Variants in DTNA observed in about 807,000 individuals in gnomAD.
DTNA encodes dystrophin-related protein 3.
Under a neutral mutation model 100.7 loss-of-function variants are expected in DTNA, and 43 were observed. The ratio of observed to expected loss-of-function variants is 0.43; its 90% CI spans 0.33 to 0.55. The LOEUF (loss-of-function observed/expected upper bound fraction) is 0.55. Ranked by LOEUF, DTNA falls within the 20% of genes least tolerant of loss-of-function variation. The probability of loss-of-function intolerance (pLI) is 0.04; values close to 1 mark genes in which losing one functional copy is unlikely to be tolerated. For missense variants in DTNA, 798 were observed against 953.9 expected, an observed-to-expected ratio of 0.84 and a Z score of 2.15; for synonymous variants, 349 against 347.9, an observed-to-expected ratio of 1.00 and a Z score of -0.04.
At chr18:34,534,194 CA>C (rs1209656379) in intron 1 of DTNA, among the ~76,000 whole-genome samples, 1 of 151,698 alleles carries the variant, frequency 6.6e-6, no homozygotes, top group East Asian at 1.9e-4. Flanking sequence ...TTAAAAAATA[CA>C]AAAATTAGCC....
intron 1 of DTNA, among the ~76,000 whole-genome samples, chr18:34,634,498 A>C (rs1413525847): frequency 6.6e-6 from 1 of 152,202 alleles, no homozygotes; most frequent in Non-Finnish European, 1.5e-5. Flanking sequence ...CGTCTGGCTT[A>C]ATAAAGAACT....
At chr18:34,683,626 C>T (rs1360515938) in intron 1 of DTNA, 3 of 152,140 alleles carry the variant, frequency 2.0e-5, no homozygotes, top group Non-Finnish European at 4.4e-5. Flanking sequence ...TCCTTTCAGA[C>T]AATGCGCAAA....
At chr18:34,813,388 A>G (rs8084817) in intron 6 of DTNA, among the ~76,000 whole-genome samples, 25,584 of 151,156 alleles carry the variant, frequency 0.17, 2,885 homozygotes, top group African/African-American at 0.33. Context: ...AGGATAGCTT[A>G]AGCCCGGATG....
At chr18:34,716,050 TG>T (rs1482927989) in intron 1 of DTNA, among the ~76,000 whole-genome samples, 1 of 151,998 alleles carries the variant, frequency 6.6e-6, no homozygotes, top group Non-Finnish European at 1.5e-5. Flanking sequence ...TGGGTGCAGG[TG>T]GGGAGTTGAT....
intron 1 of DTNA, chr18:34,558,121 G>C (rs935071011): frequency 1.3e-5 from 2 of 152,848 alleles, no homozygotes; most frequent in African/African-American, 4.8e-5. Context: ...TGGTGGGAGT[G>C]ACCCGATTTT....
At chr18:34,507,129 C>T (rs2040569849) in intron 1 of DTNA, among the ~76,000 whole-genome samples, 1 of 152,056 alleles carries the variant, frequency 6.6e-6, no homozygotes, top group South Asian at 2.1e-4. Flanking sequence ...TACCCTTACT[C>T]CCCCAAATCA....
intron 1 of DTNA, among the ~76,000 whole-genome samples, chr18:34,515,720 A>G (rs532951068): frequency 3.0e-4 from 46 of 152,090 alleles, no homozygotes; most frequent in Non-Finnish European, 7.4e-5. Flanking sequence ...TCTCGTAACC[A>G]ACAAATGCTG....
At chr18:34,885,431 A>G (rs183870310) in intron 22 of DTNA, among the ~76,000 whole-genome samples, 307 of 152,330 alleles carry the variant, frequency 2.0e-3, no homozygotes, top group African/African-American at 7.0e-3. Flanking sequence ...TAATTTTTTA[A>G]TGCAGAGAGA....
chr18:34,667,934 C>T (rs1258795679), intron 1 of DTNA, among the ~76,000 whole-genome samples: 1 of 152,134 alleles, frequency 6.6e-6, no homozygotes, highest in African/African-American at 2.4e-5. Context: ...ATGATGCTGG[C>T]CTCATAAAAT....
chr18:34,744,998 A>G (rs1038473102), intron 1 of DTNA, among the ~76,000 whole-genome samples: 2 of 152,168 alleles, frequency 1.3e-5, no homozygotes, highest in African/African-American at 4.8e-5. Context: ...TCACATTGGT[A>G]AAATGAGACT....
intron 1 of DTNA, among the ~76,000 whole-genome samples, chr18:34,659,265 T>C (rs2074827736): frequency 6.6e-6 from 1 of 152,208 alleles, no homozygotes; most frequent in Non-Finnish European, 1.5e-5. Flanking sequence ...CTAAATATAT[T>C]TTACTTAGTC....
At chr18:34,769,755 C>CT (rs1237441676) in intron 3 of DTNA, among the ~76,000 whole-genome samples, 3 of 34,642 alleles carry the variant, frequency 8.7e-5, no homozygotes, top group Non-Finnish European at 2.3e-4. Context: ...GAGTTTCACT[C>CT]TTTTTTCCCA....
At chr18:34,784,839 C>T (rs985123865) in intron 3 of DTNA, among the ~76,000 whole-genome samples, 2 of 152,078 alleles carry the variant, frequency 1.3e-5, no homozygotes, top group African/African-American at 4.8e-5. Context: ...TTCCATTTCC[C>T]AACTCTGTGT....
At chr18:34,803,320 C>G (rs1167632098) in intron 4 of DTNA, among the ~76,000 whole-genome samples, 1 of 151,768 alleles carries the variant, frequency 6.6e-6, no homozygotes, top group Non-Finnish European at 1.5e-5. Context: ...CAGAACAGCT[C>G]TGATATAACC....
intron 3 of DTNA, among the ~76,000 whole-genome samples, chr18:34,777,037 C>G (rs1490319456): frequency 1.3e-5 from 2 of 152,240 alleles, no homozygotes; most frequent in Non-Finnish European, 2.9e-5. Context: ...AGCTCTCTAC[C>G]TTGGCAACCC....
At chr18:34,504,345 A>G (rs948114719) in intron 1 of DTNA, among the ~76,000 whole-genome samples, 1 of 152,172 alleles carries the variant, frequency 6.6e-6, no homozygotes, top group African/African-American at 2.4e-5. Context: ...TACATTTGGA[A>G]CCACATCAGA....
intron 2 of DTNA, among the ~76,000 whole-genome samples, chr18:34,758,091 G>A (rs8092057): frequency 0.033 from 4,996 of 152,214 alleles, 287 homozygotes; most frequent in African/African-American, 0.11. Context: ...AAAGAGAAAG[G>A]TAATATCACT....
intron 1 of DTNA, among the ~76,000 whole-genome samples, chr18:34,661,806 A>G (rs1347623578): frequency 2.6e-5 from 4 of 152,204 alleles, no homozygotes; most frequent in Non-Finnish European, 5.9e-5. Flanking sequence ...ATTAAGTTAT[A>G]TATTTGGAGA....
intron 17 of DTNA, among the ~76,000 whole-genome samples, chr18:34,865,727 G>A (rs2096693211): frequency 6.6e-6 from 1 of 152,174 alleles, no homozygotes; most frequent in South Asian, 2.1e-4. Context: ...ATGACAGGAA[G>A]CTTTGAAAAC....
Sources: allele counts gnomAD v4.1 joint callset (sites outside exome capture counted in the v4.1 genomes callset), GRCh38; gene constraint gnomAD v4.1.1; transcripts MANE v1.5; gene names NCBI Gene and HGNC (gene_info 2026-07-23, HGNC 2026-07-21).